NADK2: variants seen among roughly 807,000 people sequenced by gnomAD.
The protein encoded by NADK2 is NAD kinase domain-containing protein 1, mitochondrial.
In NADK2, 35 loss-of-function variants were observed where a neutral mutation model predicts 62.1. The ratio of observed to expected loss-of-function variants is 0.56; its 90% CI spans 0.43 to 0.75. NADK2 has a LOEUF of 0.75. Among genes scored for constraint, NADK2 ranks in the 30% least tolerant of loss-of-function variants. The probability of loss-of-function intolerance (pLI) is 0.00; values close to 1 mark genes in which losing one functional copy is unlikely to be tolerated. For missense variants in NADK2, 439 were observed against 561.3 expected (o/e 0.78, Z 2.20); for synonymous variants, 205 against 207.9 (o/e 0.99, Z 0.12).
intron 3 of NADK2, 121 bp downstream of exon 3, chr5:36,226,353 CA>C (rs1379805857): frequency 6.0e-6 from 4 of 665,518 alleles, no homozygotes; most frequent in Non-Finnish European, 1.0e-5. Flanking sequence ...CGTAACAATC[CA>C]AAAATGTGTT....
intron 1 of NADK2, among the ~76,000 whole-genome samples, chr5:36,235,011 G>A (rs935974694): frequency 1.3e-5 from 2 of 152,132 alleles, no homozygotes; most frequent in African/African-American, 4.8e-5. Flanking sequence ...GGATCCAGCA[G>A]GATGCCTAGC....
At chr5:36,240,834 A>G (rs192503504) in intron 1 of NADK2, among the ~76,000 whole-genome samples, 1 of 152,310 alleles carries the variant, frequency 6.6e-6, no homozygotes, top group East Asian at 1.9e-4. Flanking sequence ...TTAATAACGT[A>G]CATATACAAG....
intron 1 of NADK2, among the ~76,000 whole-genome samples, chr5:36,234,599 G>A (rs4869472): frequency 6.6e-6 from 1 of 152,184 alleles, no homozygotes; most frequent in South Asian, 2.1e-4. Context: ...TACACTTAAC[G>A]TCAAGGCAGT....
chr5:36,212,659 A>G (rs1746894560), intron 6 of NADK2, among the ~76,000 whole-genome samples: 1 of 152,090 alleles, frequency 6.6e-6, no homozygotes, highest in Non-Finnish European at 1.5e-5. Context: ...CCTCAATGTC[A>G]CAACTATCAG....
At chr5:36,202,423 G>T (rs1375244112) in intron 8 of NADK2, among the ~76,000 whole-genome samples, 5 of 152,064 alleles carry the variant, frequency 3.3e-5, no homozygotes. Flanking sequence ...ATTTCTCCCA[G>T]TGTATGGAGT....
At chr5:36,204,965 T>C (rs1043551078) in intron 8 of NADK2, among the ~76,000 whole-genome samples, 3 of 152,184 alleles carry the variant, frequency 2.0e-5, no homozygotes, top group African/African-American at 7.2e-5. Flanking sequence ...TAAGAAGTCA[T>C]GTTAAACAAG....
At chr5:36,240,228 G>C (rs1748056562) in intron 1 of NADK2, among the ~76,000 whole-genome samples, 1 of 152,070 alleles carries the variant, frequency 6.6e-6, no homozygotes, top group Admixed American at 6.5e-5. Context: ...TCTATAAACA[G>C]TCATTTTCAA....
chr5:36,211,953 A>G (rs1203099710), intron 6 of NADK2, 31 bp from the exon 7 acceptor site: 1 of 1,488,112 alleles, frequency 6.7e-7, no homozygotes, highest in Non-Finnish European at 9.2e-7. Context: ...AGAAAATCCA[A>G]GATAGCTCCT....
chr5:36,242,141 C>T (rs1012634276), upstream of NADK2: 1 of 154,764 alleles, frequency 6.5e-6, no homozygotes, highest in Non-Finnish European at 1.4e-5. Flanking sequence ...CCTCCCCGCA[C>T]CACACGCTTC....
At position 36,195,184 on chromosome 5, in the gene NADK2, T is replaced by C. The variant is rs763863567; in HGVS notation, c.1289A>G (p.Asn430Ser). The C allele has an allele frequency of 1.1e-5, 17 of 1,613,436 alleles. No homozygotes were observed. Among genetic ancestry groups the C allele is most frequent in the East Asian group, 4.5e-5 (2 of 44,864 alleles). Residue 430 changes from asparagine to serine, a missense_variant, in exon 12 of 12, where the codon AAT (asparagine) becomes AGT (serine). By Grantham distance (46) the Asn-to-Ser change is conservative. Coordinates refer to ENST00000381937, the MANE Select transcript of NADK2 (RefSeq NM_001085411.3). ...CACAGTTCGAAGCTCATCTTCTTTATTGATCATCATCGAAGCAATTGCACC... is the reference window on the plus strand; with the variant it reads ...CACAGTTCGAAGCTCATCTTCTTTACTGATCATCATCGAAGCAATTGCACC... ...NDGAIASMMI[N>S]KEDELRTVLL...
At chr5:36,225,515 A>G (rs921091466) in intron 4 of NADK2, 27 bp downstream of exon 4, 5 of 1,592,026 alleles carry the variant, frequency 3.1e-6, no homozygotes, top group Admixed American at 1.8e-5. Flanking sequence ...CACACAAATC[A>G]AACAAAATGT....
rs79218367 is a variant in NADK2 at position 36,210,829 on chromosome 5, C to T, written c.860+1015G>A. On this transcript the variant is annotated intron_variant, in intron 7 of 11. Coordinates refer to ENST00000381937, the MANE Select transcript of NADK2 (RefSeq NM_001085411.3). Reference sequence around the variant, plus strand: ...ACTGCCTATAAAAGTTTTCTATCAACTGCAAATTTATACTTACTATATTAC... The same window carrying T: ...ACTGCCTATAAAAGTTTTCTATCAATTGCAAATTTATACTTACTATATTAC... Among the ~76,000 whole-genome samples, 2,245 of 152,268 alleles carry T rather than the reference C, an allele frequency of 0.015. 159 individuals carry two copies. In the East Asian group the frequency reaches 0.21, roughly 14 times the overall value.
chr5:36,199,026 G>C (rs1014494042), intron 10 of NADK2, among the ~76,000 whole-genome samples: 5 of 148,460 alleles, frequency 3.4e-5, no homozygotes, highest in African/African-American at 1.2e-4. Context: ...ACAGGAAGGG[G>C]AACATTACAC....
intron 5 of NADK2, chr5:36,218,117 C>T (rs1258061602): frequency 5.3e-6 from 2 of 375,934 alleles, no homozygotes; most frequent in African/African-American, 4.0e-5. Context: ...ACAAAATCTC[C>T]CAAGTAACTT....
rs1046611274 is a variant in NADK2, at chr5:36,241,377, G to C, written c.300+122C>G. On this transcript the variant is annotated intron_variant, in intron 1 of 11. Coordinates refer to ENST00000381937, the MANE Select transcript of NADK2 (RefSeq NM_001085411.3). This position sits in a 1 kb window ranked among gnomAD's most constrained non-coding sequence, Gnocchi z 4.9. ...AGAGGACCTGGGGGCCGCGAGAGAG[G>C]CAGGACCGGCATCTGCGGTGCCCTG... The C allele has an allele frequency of 8.9e-6, 12 of 1,349,112 alleles. No homozygotes were observed. In the South Asian group the frequency reaches 1.7e-4, roughly 19 times the overall value. The allele number at this position is 1,349,112 out of a possible 1,614,324, so 83.6% of individuals were successfully genotyped here. A position where few individuals can be genotyped will look rare whatever the true frequency, so the allele number is the denominator to read the frequency against.
At position 36,195,166 on chromosome 5, in the gene NADK2, C is replaced by T. The variant is rs377229651; in HGVS notation, c.1307G>A (p.Arg436Gln). The T allele has an allele frequency of 6.2e-6, 10 of 1,611,976 alleles. No homozygotes were observed. Among genetic ancestry groups the T allele is most frequent in the African/African-American group, 5.4e-5 (4 of 74,756 alleles). ...CCTTCACTGTTCAAGAAGCACAGTT[C>T]GAAGCTCATCTTCTTTATTGATCAT... The part of the protein sequence containing the change: ...SMMINKEDEL[R>Q]TVLLEQ Residue 436 changes from arginine (R) to glutamine (Q), a missense_variant, in exon 12 of 12, where the codon CGA becomes CAA. Physicochemically the swap from Arg to Gln is conservative, Grantham distance 43. Transcript: ENST00000381937.
At position 36,241,271 on chromosome 5, in the gene NADK2, G is replaced by A; in HGVS notation, c.300+228C>T. 1.2e-6 allele frequency: 1 copy of A among 829,366 alleles called. No homozygotes were observed. The highest frequency in any genetic ancestry group is 1.8e-5 in the African/African-American group (1 of 55,042). The allele number at this position is 829,366 out of a possible 1,614,324, so 51.4% of individuals were successfully genotyped here. A position where few individuals can be genotyped will look rare whatever the true frequency, so the allele number is the denominator to read the frequency against. On this transcript the variant is annotated intron_variant, in intron 1 of 11. Coordinates refer to ENST00000381937, the MANE Select transcript of NADK2 (RefSeq NM_001085411.3). The surrounding 1 kb of genome is among the most constrained non-coding windows in gnomAD (Gnocchi z 4.9). ...CTCCTAAGTCCCTGCATGAACCACT[G>A]TCCCTCTCTCTCCCCCTCTCCCCGG...
At position 36,205,944 on chromosome 5, in the gene NADK2, C is replaced by A. The variant is rs1014443596; in HGVS notation, c.956+1226G>T. Among the ~76,000 whole-genome samples the A allele has an allele frequency of 2.6e-5, 4 of 152,166 alleles. No homozygotes were observed. The East Asian group carries it at 7.7e-4, about 29-fold the overall frequency. On this transcript the variant is annotated intron_variant, in intron 8 of 11. Coordinates refer to ENST00000381937, the MANE Select transcript of NADK2 (RefSeq NM_001085411.3). The surrounding 1 kb of genome is among the most constrained non-coding windows in gnomAD (Gnocchi z 4.1). ...TAAAGAAAATGTGGCACATATATAC[C>A]ATGGAATACTATGCAGCCATAAAAA...
rs1366786748 is a variant in NADK2, at chr5:36,205,391, A to C, written c.956+1779T>G. 6.6e-6 allele frequency among the ~76,000 whole-genome samples: 1 copy of C among 152,080 alleles called. No individual in the cohort carries two copies. Among genetic ancestry groups the C allele is most frequent in the Non-Finnish European group, 1.5e-5 (1 of 67,972 alleles). On this transcript the variant is annotated intron_variant, in intron 8 of 11. Transcript: ENST00000381937. This position sits in a 1 kb window ranked among gnomAD's most constrained non-coding sequence, Gnocchi z 4.1. ...GTGTTCAGGCATTCAAGGCAGGAAG[A>C]AGTTGCATTGAGCAAAAATAAAAAG... is the stretch of plus-strand genomic sequence containing the variant.
Sources: gnomAD v4.1 joint callset for allele counts (sites outside exome capture counted in the v4.1 genomes callset) on GRCh38, gnomAD v4.1.1 for gene constraint, Gnocchi (gnomAD v3.1) non-coding constraint, MANE v1.5 for transcripts, NCBI Gene and HGNC (gene_info 2026-07-23, HGNC 2026-07-21) for gene names.